Variants in CNTN3 observed in about 807,000 individuals in gnomAD.
CNTN3 encodes contactin-3.
In CNTN3, 60 loss-of-function variants were observed where a neutral mutation model predicts 119.1. The ratio of observed to expected loss-of-function variants is 0.50; its 90% CI spans 0.41 to 0.62. The LOEUF is 0.62. CNTN3 is among the 20% of genes least tolerant of loss of function. The probability of loss-of-function intolerance (pLI) is 0.00; values close to 1 mark genes in which losing one functional copy is unlikely to be tolerated. For missense variants in CNTN3, 1,101 were observed against 1,242.4 expected (o/e 0.89, Z 1.71); for synonymous variants, 450 against 438.7 (o/e 1.03, Z -0.32).
Position 74,521,153 on chromosome 3 carries a change from TG to T in CNTN3, c.-42del. ...GCAAGAGTAACTCTTGTCCAGTCTCTGATGAATAGAATGCTTTCTCTTCAGG... is the reference window on the plus strand; with the variant it reads ...GCAAGAGTAACTCTTGTCCAGTCTCTATGAATAGAATGCTTTCTCTTCAGG... On this transcript the variant is annotated 5_prime_UTR_variant, in exon 2 of 23. Transcript: ENST00000263665. 1 of 1,277,698 alleles carries T rather than the reference TG, an allele frequency of 7.8e-7. No individual in the cohort carries two copies. The highest frequency in any genetic ancestry group is 1.1e-6 in the Non-Finnish European group (1 of 896,568). 79.1% of individuals were successfully genotyped at this position (1,277,698 alleles called of 1,614,324 possible). A position where few individuals can be genotyped will look rare whatever the true frequency, so the allele number is the denominator to read the frequency against.
intron 11 of CNTN3, among the ~76,000 whole-genome samples, chr3:74,350,058 A>T (rs1351178117): frequency 6.6e-6 from 1 of 152,222 alleles, no homozygotes; most frequent in Non-Finnish European, 1.5e-5. Context: ...TATGGATCTA[A>T]GAACTGCATG....
chr3:74,513,512 A>C (rs1042943787), intron 2 of CNTN3, among the ~76,000 whole-genome samples: 3 of 152,134 alleles, frequency 2.0e-5, no homozygotes, highest in Non-Finnish European at 4.4e-5. Flanking sequence ...TGTCCAGATA[A>C]AGAAACCAAA....
At chr3:74,612,703 A>G (rs1396605836) in intron 1 of CNTN3, among the ~76,000 whole-genome samples, 2 of 152,186 alleles carry the variant, frequency 1.3e-5, no homozygotes, top group African/African-American at 2.4e-5. Context: ...TCCCTGGTGG[A>G]TACTGATCAT....
At chr3:74,323,188 G>A (rs1477278894) in intron 13 of CNTN3, among the ~76,000 whole-genome samples, 3 of 152,178 alleles carry the variant, frequency 2.0e-5, no homozygotes, top group Non-Finnish European at 4.4e-5. Flanking sequence ...TATAAAAAAT[G>A]TGCCACTCTG....
At chr3:74,394,439 A>C (rs560659341) in intron 5 of CNTN3, among the ~76,000 whole-genome samples, 24 of 152,306 alleles carry the variant, frequency 1.6e-4, no homozygotes, top group African/African-American at 5.8e-4. Context: ...AAATGGCAAA[A>C]GATCTATCAT....
intron 22 of CNTN3, 96 bp downstream of exon 22, chr3:74,266,385 G>A: frequency 7.9e-7 from 1 of 1,269,676 alleles, no homozygotes. Context: ...AAGCCTTGCT[G>A]GAAAGAAAGA....
At chr3:74,265,445 T>C (rs943702661) in intron 22 of CNTN3, among the ~76,000 whole-genome samples, 3 of 152,144 alleles carry the variant, frequency 2.0e-5, no homozygotes, top group Non-Finnish European at 4.4e-5. Flanking sequence ...TTAACAACAA[T>C]AATAAACTAA....
chr3:74,439,728 T>G (rs1334691324), intron 4 of CNTN3, among the ~76,000 whole-genome samples: 1 of 152,206 alleles, frequency 6.6e-6, no homozygotes. Flanking sequence ...CTTAAGCTCC[T>G]GATTCCTTTT....
rs947004716 is a variant in CNTN3 at position 74,348,585 on chromosome 3, A to G, written c.1365-11927T>C. On this transcript the variant is annotated intron_variant, in intron 11 of 22. Coordinates refer to ENST00000263665, the MANE Select transcript of CNTN3 (RefSeq NM_020872.3). ...GAAGCCTACACTCACCCATGCGGAG[A>G]GACCATAAGCAGAGGCCTTGGGCTT... Among the ~76,000 whole-genome samples the G allele has an allele frequency of 7.1e-4, 108 of 152,240 alleles. 1 individual carries two copies. The highest frequency in any genetic ancestry group is 2.6e-3 in the African/African-American group (107 of 41,532).
chr3:74,400,172 A>G (rs186965621), intron 5 of CNTN3, among the ~76,000 whole-genome samples: 1 of 152,346 alleles, frequency 6.6e-6, no homozygotes, highest in South Asian at 2.1e-4. Flanking sequence ...ATTTGTCAGT[A>G]AACTTTACAC....
intron 11 of CNTN3, among the ~76,000 whole-genome samples, chr3:74,344,028 G>C (rs2106731167): frequency 6.6e-6 from 1 of 152,310 alleles, no homozygotes; most frequent in East Asian, 1.9e-4. Context: ...GATTTCTGGA[G>C]CCAGTTTCCT....
chr3:74,422,585 T>TAAGA (rs1394003215), intron 5 of CNTN3, among the ~76,000 whole-genome samples: 19 of 152,196 alleles, frequency 1.2e-4, no homozygotes, highest in Non-Finnish European at 2.6e-4. Flanking sequence ...ACATGTTCAC[T>TAAGA]CTGTGCATAC....
chr3:74,405,252 C>T (rs1298604123), intron 5 of CNTN3, among the ~76,000 whole-genome samples: 2 of 151,990 alleles, frequency 1.3e-5, no homozygotes, highest in Admixed American at 6.6e-5. Context: ...CCACACTCAT[C>T]GATAATCTAC....
chr3:74,376,519 T>C (rs1704479104), intron 5 of CNTN3, among the ~76,000 whole-genome samples: 1 of 152,144 alleles, frequency 6.6e-6, no homozygotes, highest in Non-Finnish European at 1.5e-5. Flanking sequence ...TGTCACTGTC[T>C]CCCATCACCC....
intron 1 of CNTN3, among the ~76,000 whole-genome samples, chr3:74,579,748 T>A (rs1704473763): frequency 6.6e-6 from 1 of 151,984 alleles, no homozygotes; most frequent in African/African-American, 2.4e-5. Flanking sequence ...AAAAATTGTA[T>A]TTGCAGTGGA....
chr3:74,306,868 A>G (rs1008371082), intron 13 of CNTN3, among the ~76,000 whole-genome samples: 20 of 152,194 alleles, frequency 1.3e-4, no homozygotes, highest in Non-Finnish European at 2.9e-5. Context: ...GCTGAAGGCA[A>G]GAAAAAAGAA....
intron 4 of CNTN3, among the ~76,000 whole-genome samples, chr3:74,436,473 G>T (rs985221378): frequency 6.6e-6 from 1 of 152,094 alleles, no homozygotes; most frequent in African/African-American, 2.4e-5. Context: ...GAATGCTTGT[G>T]CCTGGTAGCT....
rs192633486 is a variant in CNTN3 at position 74,558,625 on chromosome 3, C to G, written c.-80-37433G>C. Reference sequence around the variant, plus strand: ...TGATCCACTATTGACTATCTCTTTGCCCTTCAGTAAATTACTTGACATTTT... The same window carrying G: ...TGATCCACTATTGACTATCTCTTTGGCCTTCAGTAAATTACTTGACATTTT... On this transcript the variant is annotated intron_variant, in intron 1 of 22. Transcript: ENST00000263665. 3.3e-5 allele frequency among the ~76,000 whole-genome samples: 5 copies of G among 152,172 alleles called. No individual in the cohort carries two copies. In the East Asian group the frequency reaches 9.7e-4, roughly 29 times the overall value.
intron 4 of CNTN3, among the ~76,000 whole-genome samples, chr3:74,464,883 A>C (rs1702434085): frequency 6.6e-6 from 1 of 152,286 alleles, no homozygotes; most frequent in East Asian, 1.9e-4. Context: ...ATTAGAGTCA[A>C]GTTATTATTC....
Sources: gnomAD v4.1 joint callset for allele counts (sites outside exome capture counted in the v4.1 genomes callset) on GRCh38, gnomAD v4.1.1 for gene constraint, MANE v1.5 for transcripts, NCBI Gene and HGNC (gene_info 2026-07-23, HGNC 2026-07-21) for gene names.